Variants in DDX31 observed in about 807,000 individuals in gnomAD.
DDX31 encodes the protein ATP-dependent DNA helicase DDX31.
In DDX31, 70 loss-of-function variants were observed where a neutral mutation model predicts 91.3. The ratio of observed to expected loss-of-function variants is 0.77; its 90% CI spans 0.63 to 0.94. The LOEUF (loss-of-function observed/expected upper bound fraction) is 0.94, where lower values mean the gene tolerates loss of function less well. DDX31 is among the 40% of genes least tolerant of loss of function. DDX31 has a pLI of 0.00. For synonymous variants in DDX31, 362 were observed against 350.6 expected, an observed-to-expected ratio of 1.03 and a Z score of -0.36; for missense variants, 902 against 925.0, an observed-to-expected ratio of 0.98 and a Z score of 0.32.
At position 132,595,673 on chromosome 9, in the gene DDX31, T is replaced by TA. The variant is rs1334814226; in HGVS notation, c.1995-562dup. On this transcript the variant is annotated intron_variant, in intron 19 of 19. Transcript: ENST00000372159. This position sits in a 1 kb window ranked among gnomAD's most constrained non-coding sequence, Gnocchi z 4.6. ...GCTCTTTATGAACGGAAAAAACTCT[T>TA]AAACATATTTCTGACCCTACAAAAC... Among the ~76,000 whole-genome samples, 2 of 152,148 alleles carry TA rather than the reference T, an allele frequency of 1.3e-5. No homozygotes were observed. Among genetic ancestry groups the TA allele is most frequent in the Admixed American group, 6.5e-5 (1 of 15,280 alleles).
At chr9:132,644,688 C>T (rs940224333) in intron 13 of DDX31, among the ~76,000 whole-genome samples, 1 of 152,318 alleles carries the variant, frequency 6.6e-6, no homozygotes, top group South Asian at 2.1e-4. Context: ...CTTGGATCGA[C>T]GCCGCAGAAT....
chr9:132,599,647 A>T (rs1368569489), intron 19 of DDX31, among the ~76,000 whole-genome samples: 1 of 152,218 alleles, frequency 6.6e-6, no homozygotes, highest in Non-Finnish European at 1.5e-5. Flanking sequence ...TTTAATTTCT[A>T]CTCATCAGAA....
chr9:132,629,421 A>C (rs971695662), intron 16 of DDX31, among the ~76,000 whole-genome samples: 1 of 152,226 alleles, frequency 6.6e-6, no homozygotes, highest in Non-Finnish European at 1.5e-5. Flanking sequence ...GAAAAGTCTT[A>C]CTAGCATGAG....
At chr9:132,635,455 C>CTTTTTTTTTT (rs981082655) in intron 14 of DDX31, among the ~76,000 whole-genome samples, 5 of 104,724 alleles carry the variant, frequency 4.8e-5, no homozygotes, top group Non-Finnish European at 7.7e-5. Flanking sequence ...ATGTACATAG[C>CTTTTTTTTTT]TTTTTTTTTT....
rs1833958796 is a variant in DDX31 at position 132,648,277 on chromosome 9, A to G, written c.879T>C (p.Phe293=). 6 of 1,610,786 alleles carry G rather than the reference A, an allele frequency of 3.7e-6. No homozygotes were observed. The Middle Eastern group carries it at 4.9e-4, about 133-fold the overall frequency. ...TAAGTATCACTGTGATGTCCTTTTC[A>G]AAACCCAAATCCAAGATTCTGTGAT... ...DEADRILDLG[F]EKDITVILNA... is the part of the protein sequence containing the mutation. Residue 293 remains phenylalanine, a synonymous_variant, in exon 11 of 20, where the codon TTT becomes TTC. Coordinates refer to ENST00000372159, the MANE Select transcript of DDX31 (RefSeq NM_022779.9).
intron 17 of DDX31, among the ~76,000 whole-genome samples, chr9:132,619,904 T>C (rs1294961140): frequency 6.6e-6 from 1 of 151,050 alleles, no homozygotes; most frequent in African/African-American, 2.4e-5. Flanking sequence ...TTAATATGAA[T>C]GTGAAATTAG....
intron 13 of DDX31, 104 bp from the exon 14 acceptor site, chr9:132,642,167 T>C: frequency 9.9e-7 from 1 of 1,005,960 alleles, no homozygotes; most frequent in Non-Finnish European, 1.5e-6. Context: ...CTAGAGCTAT[T>C]TTCAGGCACA....
chr9:132,629,720 A>C (rs1832609847), intron 16 of DDX31, among the ~76,000 whole-genome samples: 1 of 152,212 alleles, frequency 6.6e-6, no homozygotes, highest in Admixed American at 6.5e-5. Flanking sequence ...CACCAAGTCT[A>C]GAATCCAGGG....
Position 132,625,733 on chromosome 9 carries a change from A to AGG in DDX31, c.1643_1644insCC (p.Lys549LeufsTer10). ...GAACACACAAAATATCTTCCATCTT[A>AGG]ATCTCAGAAACGCTGTAAAAGGAAG... On this transcript the variant is annotated frameshift_variant, in exon 17 of 20. Transcript: ENST00000372159. LOFTEE classifies it high-confidence loss of function. 6.2e-7 allele frequency: 1 copy of AGG among 1,613,658 alleles called. No homozygotes were observed. The highest frequency in any genetic ancestry group is 1.7e-5 in the Admixed American group (1 of 59,914).
chr9:132,639,769 A>C (rs1833368832), intron 14 of DDX31, among the ~76,000 whole-genome samples: 1 of 152,226 alleles, frequency 6.6e-6, no homozygotes, highest in African/African-American at 2.4e-5. Context: ...GAGACTCAAC[A>C]ATTTCTGAGG....
At chr9:132,653,802 CAT>C (rs1448158074) in intron 6 of DDX31, among the ~76,000 whole-genome samples, 2 of 151,816 alleles carry the variant, frequency 1.3e-5, no homozygotes, top group African/African-American at 4.8e-5. Flanking sequence ...TATAAAATAA[CAT>C]ATATAACCAA....
chr9:132,627,192 G>T (rs1467276599), intron 16 of DDX31, among the ~76,000 whole-genome samples: 1 of 152,184 alleles, frequency 6.6e-6, no homozygotes. Flanking sequence ...GAGTAATGCC[G>T]TTTGCAGTCA....
chr9:132,594,546 C>A lies in DDX31; in HGVS notation c.*320G>T, dbSNP rs960871633. 3.8e-6 allele frequency: 1 copy of A among 264,958 alleles called. No individual in the cohort carries two copies. Among genetic ancestry groups the A allele is most frequent in the Non-Finnish European group, 7.2e-6 (1 of 138,748 alleles). The allele number at this position is 264,958 out of a possible 1,614,324, so 16.4% of individuals were successfully genotyped here. ...CAGGCTGACGCGCAGGGCGTTCTTA[C>A]ATCACATCCCGGGGTGCCAGCTCAA... is the stretch of plus-strand genomic sequence containing the variant. On this transcript the variant is annotated 3_prime_UTR_variant, in exon 20 of 20. Transcript: ENST00000372159.
intron 17 of DDX31, 92 bp from the exon 18 acceptor site, chr9:132,618,533 C>A (rs2119368227): frequency 9.6e-7 from 1 of 1,036,872 alleles, no homozygotes; most frequent in South Asian, 1.7e-5. Context: ...AGTAAAATCA[C>A]ACAGTAACCA....
At chr9:132,669,759 TGAATGACTCGAAA>T in intron 1 of DDX31, 88 bp downstream of exon 1, 4 of 1,524,142 alleles carry the variant, frequency 2.6e-6, no homozygotes, top group East Asian at 4.9e-5. Context: ...CTTAACTCCG[TGAATGACTCGAAA>T]CCCGACTCCA....
chr9:132,599,445 G>T (rs1830612849), intron 19 of DDX31, among the ~76,000 whole-genome samples: 2 of 152,198 alleles, frequency 1.3e-5, no homozygotes. Context: ...TGCAAAGTCT[G>T]AAGGATATAG....
At chr9:132,632,526 A>G (rs1444609148) in intron 14 of DDX31, among the ~76,000 whole-genome samples, 1 of 152,106 alleles carries the variant, frequency 6.6e-6, no homozygotes, top group African/African-American at 2.4e-5. Context: ...ATTTTATCTG[A>G]AAAACCACTT....
At chr9:132,632,985 G>A (rs561783094) in intron 14 of DDX31, among the ~76,000 whole-genome samples, 49 of 152,192 alleles carry the variant, frequency 3.2e-4, no homozygotes, top group African/African-American at 1.1e-3. Context: ...AATAACAGTC[G>A]TAACAAGAGT....
intron 12 of DDX31, among the ~76,000 whole-genome samples, chr9:132,646,382 A>T (rs1833840879): frequency 6.6e-6 from 1 of 152,166 alleles, no homozygotes; most frequent in African/African-American, 2.4e-5. Flanking sequence ...ATGCAACACT[A>T]CCTGGCTGAG....
Sources: allele counts gnomAD v4.1 joint callset (sites outside exome capture counted in the v4.1 genomes callset), GRCh38; gene constraint gnomAD v4.1.1; non-coding constraint Gnocchi (gnomAD v3.1); transcripts MANE v1.5; gene names NCBI Gene and HGNC (gene_info 2026-07-23, HGNC 2026-07-21).